The following THRAP3 variants were observed in gnomAD, a reference collection of about 807,000 sequenced individuals.
The protein encoded by THRAP3 is thyroid hormone receptor-associated protein 3.
Under a neutral mutation model 101.0 loss-of-function variants are expected in THRAP3, and 16 were observed. The ratio of observed to expected loss-of-function variants is 0.16; its 90% CI spans 0.11 to 0.24. THRAP3 has a LOEUF of 0.24. Ranked by LOEUF, THRAP3 falls within the 10% of genes least tolerant of loss-of-function variation. The probability of loss-of-function intolerance (pLI) is 1.00; values close to 1 mark genes in which losing one functional copy is unlikely to be tolerated. For synonymous variants in THRAP3, 407 were observed against 422.6 expected (o/e 0.96, Z 0.45); for missense variants, 989 against 1,202.7 (o/e 0.82, Z 2.63).
At chr1:36,294,508 A>G (rs893060967) in intron 8 of THRAP3, among the ~76,000 whole-genome samples, 1 of 152,234 alleles carries the variant, frequency 6.6e-6, no homozygotes, top group Non-Finnish European at 1.5e-5. Flanking sequence ...GCTTGTATAC[A>G]ATCTGTTACT....
intron 1 of THRAP3, among the ~76,000 whole-genome samples, chr1:36,232,004 G>A (rs769840398): frequency 7.2e-5 from 11 of 152,148 alleles, no homozygotes; most frequent in South Asian, 4.1e-4. Flanking sequence ...ATCACTTGAG[G>A]TCAGGAGTTT....
At chr1:36,277,843 T>C (rs867346885) in intron 2 of THRAP3, among the ~76,000 whole-genome samples, 1 of 152,144 alleles carries the variant, frequency 6.6e-6, no homozygotes, top group Middle Eastern at 3.2e-3. Context: ...CACTGCCACC[T>C]CTGCCCCCCA....
rs34782789 is a variant in THRAP3 at position 36,271,591 on chromosome 1, C to CTT, written c.-31-10920_-31-10919dup. Reference sequence around the variant, plus strand: ...CCACTGTGCCCAGGCTTTTTCTTATCTTTTTTTTTTTTTTTTTTTTTTTGA... The same window carrying CTT: ...CCACTGTGCCCAGGCTTTTTCTTATCTTTTTTTTTTTTTTTTTTTTTTTTTGA... On this transcript the variant is annotated intron_variant, in intron 2 of 11. Coordinates refer to ENST00000354618, the MANE Select transcript of THRAP3 (RefSeq NM_005119.4). Among the ~76,000 whole-genome samples the CTT allele has an allele frequency of 8.6e-3, 515 of 60,096 alleles. 12 individuals carry two copies. The highest frequency in any genetic ancestry group is 0.028 in the African/African-American group (468 of 16,756). 39.4% of individuals were successfully genotyped at this position (60,096 alleles called of 152,430 possible).
At chr1:36,258,109 G>A (rs897194842) in intron 1 of THRAP3, among the ~76,000 whole-genome samples, 2 of 152,194 alleles carry the variant, frequency 1.3e-5, no homozygotes, top group Non-Finnish European at 2.9e-5. Context: ...AAAGTGCTGG[G>A]ATTACAGGCA....
In THRAP3 at chr1:36,303,959, A is replaced by G; in HGVS notation, c.2810A>G (p.Asp937Gly). Residue 937 changes from aspartate (D) to glycine (G), a missense_variant, in exon 12 of 12, where the codon GAC becomes GGC. Asp to Gly is a moderately conservative substitution (Grantham distance 94). Coordinates refer to ENST00000354618, the MANE Select transcript of THRAP3 (RefSeq NM_005119.4). ...FSGEEGEIED[D>G]ESGTENREEK... ...GGGGAGGAAGGGGAGATTGAAGACGACGAGAGTGGGACAGAGAACCGAGAA... is the reference window on the plus strand; with the variant it reads ...GGGGAGGAAGGGGAGATTGAAGACGGCGAGAGTGGGACAGAGAACCGAGAA... The G allele has an allele frequency of 6.2e-7, 1 of 1,611,132 alleles. No homozygotes were observed. The highest frequency in any genetic ancestry group is 8.5e-7 in the Non-Finnish European group (1 of 1,178,622).
At position 36,252,968 on chromosome 1, in the gene THRAP3, AT is replaced by A. The variant is rs1557819511; in HGVS notation, c.-134-6413del. Among the ~76,000 whole-genome samples, 460 of 133,972 alleles carry A rather than the reference AT, an allele frequency of 3.4e-3. 2 individuals are homozygous for A. Among genetic ancestry groups the A allele is most frequent in the South Asian group, 5.6e-3 (24 of 4,300 alleles). 87.9% of individuals were successfully genotyped at this position (133,972 alleles called of 152,430 possible). The stretch of plus-strand genomic sequence containing the variant: ...TATATATATATATATATATATATAT[AT>A]AAATGTAAATAATGAGTATAATTTT... On this transcript the variant is annotated intron_variant, in intron 1 of 11. Transcript: ENST00000354618.
chr1:36,305,269 G>T lies in THRAP3; in HGVS notation c.*1252G>T, dbSNP rs567506557. The T allele has an allele frequency of 8.2e-5, 17 of 206,484 alleles. No homozygotes were observed. The South Asian group carries it at 3.0e-3, about 37-fold the overall frequency. 12.8% of individuals were successfully genotyped at this position (206,484 alleles called of 1,614,324 possible). ...ATAGTTAAGTTGGTTTTACTTGAATGATTCATGTTTAGGGGGAAAATGAAA... is the reference window on the plus strand; with the variant it reads ...ATAGTTAAGTTGGTTTTACTTGAATTATTCATGTTTAGGGGGAAAATGAAA... On this transcript the variant is annotated 3_prime_UTR_variant, in exon 12 of 12. Transcript: ENST00000354618.
Position 36,304,454 on chromosome 1 carries a change from T to C in THRAP3, c.*437T>C. ...ATTTTAAAAGCCCCCTCCTTTTTTTTTTTTTTTTTCTTTTTTTAGGCATAT... is the reference window on the plus strand; with the variant it reads ...ATTTTAAAAGCCCCCTCCTTTTTTTCTTTTTTTTTCTTTTTTTAGGCATAT... On this transcript the variant is annotated 3_prime_UTR_variant, in exon 12 of 12. Transcript: ENST00000354618. The C allele has an allele frequency of 4.4e-6, 1 of 228,532 alleles. No individual in the cohort carries two copies. 14.2% of individuals were successfully genotyped at this position (228,532 alleles called of 1,614,324 possible).
At chr1:36,208,117 G>A in the THRAP3 span, among the ~76,000 whole-genome samples, 1 of 152,286 alleles carries the variant, frequency 6.6e-6, no homozygotes, top group Non-Finnish European at 1.5e-5. Context: ...AGCCTACCTG[G>A]AAGGAGACTA....
chr1:36,267,731 G>A lies in THRAP3; in HGVS notation c.-32+8247G>A, dbSNP rs1274265955. 6.0e-4 allele frequency among the ~76,000 whole-genome samples: 12 copies of A among 20,130 alleles called. 4 individuals are homozygous for A. The highest frequency in any genetic ancestry group is 9.1e-4 in the African/African-American group (11 of 12,142). 13.2% of individuals were successfully genotyped at this position (20,130 alleles called of 152,430 possible). A position where few individuals can be genotyped will look rare whatever the true frequency, so the allele number is the denominator to read the frequency against. ...GGTAAGTCAAGAAGAGGTAGGATGG[G>A]CTCCCTGCTGGATAGACGGGAGCCC... is the stretch of plus-strand genomic sequence containing the variant. On this transcript the variant is annotated intron_variant, in intron 2 of 11. Transcript: ENST00000354618.
chr1:36,272,417 G>A (rs1004445608), intron 2 of THRAP3, among the ~76,000 whole-genome samples: 2 of 152,184 alleles, frequency 1.3e-5, no homozygotes, highest in African/African-American at 4.8e-5. Flanking sequence ...CAGGGATGGG[G>A]TGGAGTATGA....
In THRAP3 at chr1:36,263,762, A is replaced by T. The variant is rs558941285; in HGVS notation, c.-32+4278A>T. 1.2e-4 allele frequency among the ~76,000 whole-genome samples: 19 copies of T among 152,276 alleles called. No homozygotes were observed. In the South Asian group the frequency reaches 3.1e-3, roughly 25 times the overall value. On this transcript the variant is annotated intron_variant, in intron 2 of 11. Coordinates refer to ENST00000354618, the MANE Select transcript of THRAP3 (RefSeq NM_005119.4). ...TCCTGAGCTTAATAGACACGCATTG[A>T]CTGAATTCTCAGAGGAGTATCTCAA...
At position 36,289,156 on chromosome 1, in the gene THRAP3, T is replaced by C. The variant is rs1645832077; in HGVS notation, c.1137T>C (p.Ser379=). 1 of 1,613,690 alleles carries C rather than the reference T, an allele frequency of 6.2e-7. No individual in the cohort carries two copies. Among genetic ancestry groups the C allele is most frequent in the East Asian group, 2.2e-5 (1 of 44,886 alleles). The part of the protein sequence containing the change: ...KEKIKEKGSF[S]DTGLGDGKMK... ...AAATAAAAGAGAAAGGGAGCTTCTC[T>C]GACACAGGCTTGGGTGATGGAAAAA... Residue 379 remains serine, a synonymous_variant, in exon 5 of 12, where the codon TCT becomes TCC. Coordinates refer to ENST00000354618, the MANE Select transcript of THRAP3 (RefSeq NM_005119.4).
chr1:36,253,194 G>A (rs1645330020), intron 1 of THRAP3, among the ~76,000 whole-genome samples: 2 of 151,822 alleles, frequency 1.3e-5, no homozygotes, highest in Admixed American at 1.3e-4. Flanking sequence ...ATTAATCATT[G>A]AGCATGTGAT....
chr1:36,269,167 T>G (rs1192593309), intron 2 of THRAP3, among the ~76,000 whole-genome samples: 6 of 152,200 alleles, frequency 3.9e-5, no homozygotes, highest in African/African-American at 1.2e-4. Context: ...CTCCAATTTC[T>G]GAACACACAG....
chr1:36,285,832 A>G (rs955270889), intron 3 of THRAP3, among the ~76,000 whole-genome samples: 8 of 152,186 alleles, frequency 5.3e-5, no homozygotes, highest in African/African-American at 1.9e-4. Flanking sequence ...CTATACTTTT[A>G]ACGATCCCAA....
upstream of THRAP3, among the ~76,000 whole-genome samples, chr1:36,221,771 C>T (rs998872886): frequency 2.9e-4 from 43 of 150,132 alleles, no homozygotes; most frequent in Admixed American, 1.8e-3. Flanking sequence ...TTTTTAGTAG[C>T]GACGGAGTTT....
intron 1 of THRAP3, among the ~76,000 whole-genome samples, chr1:36,244,924 G>C (rs1333832365): frequency 4.0e-5 from 6 of 151,456 alleles, no homozygotes; most frequent in Admixed American, 6.6e-5. Flanking sequence ...GTTTCATGAT[G>C]TTGGCCAGGA....
intron 2 of THRAP3, among the ~76,000 whole-genome samples, chr1:36,274,781 C>A (rs754725651): frequency 6.6e-6 from 1 of 150,914 alleles, no homozygotes; most frequent in Non-Finnish European, 1.5e-5. Flanking sequence ...TATAGGCACG[C>A]GCCATCACGC....
Sources: allele counts gnomAD v4.1 joint callset (sites outside exome capture counted in the v4.1 genomes callset), GRCh38; gene constraint gnomAD v4.1.1; transcripts MANE v1.5; gene names NCBI Gene and HGNC (gene_info 2026-07-23, HGNC 2026-07-21).